Variants in ELAPOR2 observed in about 807,000 individuals in gnomAD.
The protein encoded by ELAPOR2 is endosome/lysosome-associated apoptosis and autophagy regulator family member 2.
Under a neutral mutation model 120.7 loss-of-function variants are expected in ELAPOR2, and 89 were observed. The ratio of observed to expected loss-of-function variants is 0.74; its 90% CI spans 0.62 to 0.88. ELAPOR2 has a LOEUF of 0.88. Ranked by LOEUF, ELAPOR2 falls within the 40% of genes least tolerant of loss-of-function variation. The pLI, the probability that ELAPOR2 is intolerant of heterozygous loss-of-function variation, is 0.00. For synonymous variants in ELAPOR2, 444 were observed against 444.9 expected, an observed-to-expected ratio of 1.00 and a Z score of 0.03; for missense variants, 1,134 against 1,251.6, an observed-to-expected ratio of 0.91 and a Z score of 1.42.
At chr7:86,978,568 C>T (rs1313930843) in intron 1 of ELAPOR2, among the ~76,000 whole-genome samples, 1 of 152,162 alleles carries the variant, frequency 6.6e-6, no homozygotes, top group Non-Finnish European at 1.5e-5. Flanking sequence ...AGGCCCTTCT[C>T]CATGATTCAC....
chr7:86,938,109 T>C lies in ELAPOR2; in HGVS notation c.1089+17A>G. On this transcript the variant is annotated intron_variant, in intron 8 of 21. Coordinates refer to ENST00000450689, the MANE Select transcript of ELAPOR2 (RefSeq NM_001142749.3). ...TTGCAAAAATATGGGATGGAGTTGA[T>C]GCAACACTGCTGGTACCTTTCCTTC... 1 of 1,539,662 alleles carries C rather than the reference T, an allele frequency of 6.5e-7. No homozygotes were observed. Among genetic ancestry groups the C allele is most frequent in the African/African-American group, 1.4e-5 (1 of 72,806 alleles).
In ELAPOR2 at chr7:86,909,979, G is replaced by A. The variant is rs758809753; in HGVS notation, c.2192C>T (p.Thr731Ile). 6.2e-7 allele frequency: 1 copy of A among 1,608,298 alleles called. No homozygotes were observed. The highest frequency in any genetic ancestry group is 1.1e-5 in the South Asian group (1 of 89,764). Residue 731 changes from threonine (T) to isoleucine (I), a missense_variant, in exon 16 of 22, where the codon ACC becomes ATC. This residue lies in a region of ELAPOR2 where 831 missense variants were observed against 867.6 expected (regional missense o/e 0.96). Transcript: ENST00000450689. The part of the protein sequence containing the change: ...GHEGKKMALC[T>I]NNITDFTVKE... ...TACTGTAAAGTCTGTTATATTGTTG[G>A]TACAGAGAGCCATCTTCTTCCCCTA...
At chr7:86,982,330 A>G (rs1180743936) in intron 1 of ELAPOR2, among the ~76,000 whole-genome samples, 1 of 152,170 alleles carries the variant, frequency 6.6e-6, no homozygotes, top group East Asian at 1.9e-4. Flanking sequence ...ATGGTGTTTG[A>G]GCTCTGAGAA....
At chr7:87,018,568 T>G (rs940431586) in intron 1 of ELAPOR2, among the ~76,000 whole-genome samples, 1 of 152,220 alleles carries the variant, frequency 6.6e-6, no homozygotes, top group Non-Finnish European at 1.5e-5. Flanking sequence ...TTCCTGTAGG[T>G]AAATGGAGTA....
At chr7:86,965,109 T>G in intron 1 of ELAPOR2, 85 bp from the exon 2 acceptor site, 1 of 1,377,880 alleles carries the variant, frequency 7.3e-7, no homozygotes, top group East Asian at 2.5e-5. Flanking sequence ...AAGCCCCTGT[T>G]TCCAAGCTGT....
chr7:87,021,380 T>C (rs1381954662), intron 1 of ELAPOR2, among the ~76,000 whole-genome samples: 3 of 152,166 alleles, frequency 2.0e-5, no homozygotes, highest in Non-Finnish European at 2.9e-5. Flanking sequence ...TCATAAGATG[T>C]TTTGTATTCT....
chr7:86,941,955 A>T, intron 5 of ELAPOR2, 63 bp downstream of exon 5: 1 of 924,850 alleles, frequency 1.1e-6, no homozygotes, highest in Non-Finnish European at 1.7e-6. Context: ...AAAGAAGAAA[A>T]GGTTGGGGAA....
intron 2 of ELAPOR2, among the ~76,000 whole-genome samples, chr7:86,963,884 G>A (rs937414470): frequency 6.6e-6 from 1 of 152,152 alleles, no homozygotes; most frequent in African/African-American, 2.4e-5. Context: ...GCCCACTTGA[G>A]GGGCTCTCAG....
chr7:86,996,323 G>A (rs1793121417), intron 1 of ELAPOR2, among the ~76,000 whole-genome samples: 1 of 152,022 alleles, frequency 6.6e-6, no homozygotes, highest in African/African-American at 2.4e-5. Flanking sequence ...TCAGCATAGA[G>A]GAGAAATGGA....
At chr7:87,016,694 A>G (rs1481575060) in intron 1 of ELAPOR2, among the ~76,000 whole-genome samples, 2 of 149,164 alleles carry the variant, frequency 1.3e-5, no homozygotes, top group Non-Finnish European at 3.0e-5. Flanking sequence ...ATAATATAAC[A>G]TAACTGTAAT....
intron 1 of ELAPOR2, among the ~76,000 whole-genome samples, chr7:86,987,651 C>A (rs964107715): frequency 4.4e-4 from 66 of 151,594 alleles, no homozygotes; most frequent in South Asian, 8.3e-4. Context: ...AATGAGATAC[C>A]ATCTCACGCT....
intron 1 of ELAPOR2, among the ~76,000 whole-genome samples, chr7:86,972,858 T>G (rs752092359): frequency 7.9e-5 from 12 of 152,118 alleles, no homozygotes; most frequent in Non-Finnish European, 1.5e-4. Context: ...TTGCTTACCT[T>G]AGAATTGAGA....
Position 87,043,094 on chromosome 7 carries a change from G to A in ELAPOR2, c.189+16231C>T, listed in dbSNP as rs1295795097. Among the ~76,000 whole-genome samples the A allele has an allele frequency of 1.1e-4, 17 of 151,886 alleles. No individual in the cohort carries two copies. In the East Asian group the frequency reaches 1.9e-3, roughly 17 times the overall value. ...TGAATCTCTGAATAGACCAATAACA[G>A]GAGCTGAAATTGTGGCAATAATCAA... On this transcript the variant is annotated intron_variant, in intron 1 of 21. Transcript: ENST00000450689.
chr7:86,967,455 T>A (rs569887618), intron 1 of ELAPOR2, among the ~76,000 whole-genome samples: 1 of 152,192 alleles, frequency 6.6e-6, no homozygotes, highest in African/African-American at 2.4e-5. Flanking sequence ...CGAGACTCCA[T>A]CTCAAAAATA....
At chr7:87,044,805 T>G (rs1450029877) in intron 1 of ELAPOR2, among the ~76,000 whole-genome samples, 1 of 150,754 alleles carries the variant, frequency 6.6e-6, no homozygotes, top group Admixed American at 6.6e-5. Flanking sequence ...GAAACTACCA[T>G]CAGAGTGAAC....
chr7:87,033,182 C>T (rs780755300), intron 1 of ELAPOR2, among the ~76,000 whole-genome samples: 2 of 152,160 alleles, frequency 1.3e-5, no homozygotes, highest in African/African-American at 4.8e-5. Context: ...TCTATCCCAG[C>T]TTTATGGCTC....
At chr7:87,001,012 G>A (rs144543059) in intron 1 of ELAPOR2, among the ~76,000 whole-genome samples, 7 of 152,124 alleles carry the variant, frequency 4.6e-5, no homozygotes, top group East Asian at 1.9e-4. Flanking sequence ...ATAAGATCAT[G>A]TGTATCAGGG....
intron 15 of ELAPOR2, among the ~76,000 whole-genome samples, chr7:86,910,568 T>G (rs994330809): frequency 2.6e-5 from 4 of 152,154 alleles, no homozygotes; most frequent in African/African-American, 9.6e-5. Flanking sequence ...TTCAATGATG[T>G]GTATCTGTTC....
At chr7:86,989,667 T>C (rs1317517356) in intron 1 of ELAPOR2, among the ~76,000 whole-genome samples, 1 of 152,248 alleles carries the variant, frequency 6.6e-6, no homozygotes, top group East Asian at 1.9e-4. Context: ...ATGCTTGTTG[T>C]CTGCGGCTGC....
Sources: gnomAD v4.1 joint callset for allele counts (sites outside exome capture counted in the v4.1 genomes callset) on GRCh38, gnomAD v4.1.1 for gene constraint, gnomAD v4.1.1 regional missense constraint, MANE v1.5 for transcripts, NCBI Gene and HGNC (gene_info 2026-07-23, HGNC 2026-07-21) for gene names.